The following NXPH1 variants were observed in gnomAD, a reference collection of about 807,000 sequenced individuals.
NXPH1 encodes neurexophilin 1, also known as neurexophilin-1.
In NXPH1, 5 loss-of-function variants were observed where a neutral mutation model predicts 23.7. The observed-to-expected ratio is 0.21, with a 90% CI of 0.11 to 0.44. NXPH1 has a LOEUF of 0.44. NXPH1 is among the 20% of genes least tolerant of loss of function. The probability of loss-of-function intolerance (pLI) is 0.99; values close to 1 mark genes in which losing one functional copy is unlikely to be tolerated. For missense variants in NXPH1, 324 were observed against 321.6 expected, an observed-to-expected ratio of 1.01 and a Z score of -0.06; for synonymous variants, 144 against 122.2, an observed-to-expected ratio of 1.18 and a Z score of -1.18.
intron 2 of NXPH1, among the ~76,000 whole-genome samples, chr7:8,500,124 G>A (rs1357949445): frequency 6.6e-6 from 1 of 152,054 alleles, no homozygotes. Flanking sequence ...ACAGGCAGAA[G>A]TTTCCTCGCC....
chr7:8,527,676 A>G (rs1168501518), intron 2 of NXPH1, among the ~76,000 whole-genome samples: 2 of 152,180 alleles, frequency 1.3e-5, no homozygotes, highest in African/African-American at 4.8e-5. Flanking sequence ...CTGGCAGGAG[A>G]GAAATGAACT....
At chr7:8,581,941 A>T (rs775788538) in intron 2 of NXPH1, among the ~76,000 whole-genome samples, 3 of 152,150 alleles carry the variant, frequency 2.0e-5, no homozygotes, top group Non-Finnish European at 4.4e-5. Context: ...TTGTGCTACC[A>T]GCCCAGATCC....
At chr7:8,727,686 C>A (rs902255364) in intron 2 of NXPH1, among the ~76,000 whole-genome samples, 1 of 152,056 alleles carries the variant, frequency 6.6e-6, no homozygotes, top group Admixed American at 6.5e-5. Flanking sequence ...TGTTCTGTTC[C>A]GTTGATCTAT....
At chr7:8,605,737 A>T (rs1044750545) in intron 2 of NXPH1, among the ~76,000 whole-genome samples, 51 of 152,230 alleles carry the variant, frequency 3.4e-4, no homozygotes, top group African/African-American at 1.2e-3. Context: ...GATAAGTTAA[A>T]TCTTTTAGAG....
intron 2 of NXPH1, among the ~76,000 whole-genome samples, chr7:8,445,315 C>G (rs2128604692): frequency 1.3e-5 from 2 of 152,252 alleles, no homozygotes; most frequent in Admixed American, 1.3e-4. Context: ...TTAGCTTGTA[C>G]TAACTTAGAG....
chr7:8,447,102 G>C (rs1816419250), intron 2 of NXPH1, among the ~76,000 whole-genome samples: 1 of 152,138 alleles, frequency 6.6e-6, no homozygotes, highest in South Asian at 2.1e-4. Flanking sequence ...AATTTTAAGT[G>C]AAAATTCCGT....
At chr7:8,730,611 G>A (rs1298032090) in intron 2 of NXPH1, among the ~76,000 whole-genome samples, 2 of 152,038 alleles carry the variant, frequency 1.3e-5, no homozygotes, top group African/African-American at 4.8e-5. Flanking sequence ...GCTTAGTTTG[G>A]CTGGATATGA....
chr7:8,478,441 G>A (rs1157605), intron 2 of NXPH1, among the ~76,000 whole-genome samples: 72,852 of 151,724 alleles, frequency 0.48, 18,102 homozygotes, highest in East Asian at 0.78. Flanking sequence ...AAACAGAATG[G>A]ATAATTCCTT....
At chr7:8,561,383 C>CACA (rs1554256950) in intron 2 of NXPH1, among the ~76,000 whole-genome samples, 8 of 147,116 alleles carry the variant, frequency 5.4e-5, no homozygotes, top group African/African-American at 2.0e-4. Context: ...CACACACACA[C>CACA]CTCTCTCTCT....
intron 2 of NXPH1, among the ~76,000 whole-genome samples, chr7:8,609,972 G>A (rs975571532): frequency 6.6e-6 from 1 of 152,112 alleles, no homozygotes; most frequent in Admixed American, 6.6e-5. Flanking sequence ...TTACTTGTTT[G>A]ATTTAGAGGT....
intron 2 of NXPH1, among the ~76,000 whole-genome samples, chr7:8,689,675 T>G (rs1821197972): frequency 6.6e-6 from 1 of 152,176 alleles, no homozygotes; most frequent in Admixed American, 6.5e-5. Context: ...CTCTCCCATT[T>G]TCTGCTAGGG....
At chr7:8,537,713 G>T (rs1013678403) in intron 2 of NXPH1, among the ~76,000 whole-genome samples, 1 of 151,910 alleles carries the variant, frequency 6.6e-6, no homozygotes, top group South Asian at 2.1e-4. Context: ...GACACTGGGA[G>T]CTCTAATTAA....
At chr7:8,716,611 C>G (rs1779882652) in intron 2 of NXPH1, among the ~76,000 whole-genome samples, 1 of 152,118 alleles carries the variant, frequency 6.6e-6, no homozygotes, top group African/African-American at 2.4e-5. Flanking sequence ...AAATATGTTT[C>G]TGTACTTTTC....
In NXPH1 at chr7:8,631,015, G is replaced by C. The variant is rs147072138; in HGVS notation, c.55-119993G>C. 2.0e-3 allele frequency among the ~76,000 whole-genome samples: 300 copies of C among 152,244 alleles called. 2 individuals are homozygous for C. The highest frequency in any genetic ancestry group is 6.7e-3 in the African/African-American group (278 of 41,558). On this transcript the variant is annotated intron_variant, in intron 2 of 2. Coordinates refer to ENST00000405863, the MANE Select transcript of NXPH1 (RefSeq NM_152745.3). ...TCATCTAGTTCCCACTTATAAGTGA[G>C]AACATGTGGTATTTGGTTTTCTGTT... is the stretch of plus-strand genomic sequence containing the variant.
At chr7:8,469,723 A>G (rs959572222) in intron 2 of NXPH1, among the ~76,000 whole-genome samples, 1 of 152,180 alleles carries the variant, frequency 6.6e-6, no homozygotes, top group African/African-American at 2.4e-5. Context: ...GGTAAAATAC[A>G]CACTATTACT....
intron 2 of NXPH1, among the ~76,000 whole-genome samples, chr7:8,508,289 T>C (rs968313679): frequency 1.7e-4 from 26 of 152,158 alleles, no homozygotes; most frequent in Non-Finnish European, 3.4e-4. Context: ...CAAACTTTGA[T>C]TGATTGTTAA....
At chr7:8,700,253 A>G (rs1375159778) in intron 2 of NXPH1, among the ~76,000 whole-genome samples, 1 of 152,162 alleles carries the variant, frequency 6.6e-6, no homozygotes, top group African/African-American at 2.4e-5. Flanking sequence ...CATATTGCCT[A>G]AGAAGGAGGT....
chr7:8,488,506 C>A (rs111744023), intron 2 of NXPH1, among the ~76,000 whole-genome samples: 2 of 152,128 alleles, frequency 1.3e-5, no homozygotes, highest in African/African-American at 2.4e-5. Flanking sequence ...CAGGCCTCAT[C>A]TCCCTTGGTT....
intron 2 of NXPH1, among the ~76,000 whole-genome samples, chr7:8,452,000 A>T (rs1468411994): frequency 1.3e-5 from 2 of 152,186 alleles, no homozygotes; most frequent in African/African-American, 4.8e-5. Context: ...TTGAATGAAA[A>T]TTGGGCAGTA....
Sources: allele counts gnomAD v4.1 joint callset (sites outside exome capture counted in the v4.1 genomes callset), GRCh38; gene constraint gnomAD v4.1.1; transcripts MANE v1.5; gene names NCBI Gene and HGNC (gene_info 2026-07-23, HGNC 2026-07-21).